The following CFAP95 variants were observed in gnomAD, a reference collection of about 807,000 sequenced individuals.
CFAP95 encodes cilia- and flagella-associated protein 95.
chr9:69,838,373 G>A, the CFAP95 span, among the ~76,000 whole-genome samples: 1 of 151,426 alleles, frequency 6.6e-6, no homozygotes, highest in African/African-American at 2.4e-5. Context: ...AGCATGGAAT[G>A]TTCTTCCATT....
the CFAP95 span, among the ~76,000 whole-genome samples, chr9:69,825,288 C>T: frequency 6.6e-6 from 1 of 152,148 alleles, no homozygotes; most frequent in African/African-American, 2.4e-5. Context: ...GGGAGAAATT[C>T]TGACTTTCCT....
At chr9:69,833,058 G>A in the CFAP95 span, among the ~76,000 whole-genome samples, 1 of 152,088 alleles carries the variant, frequency 6.6e-6, no homozygotes, top group Non-Finnish European at 1.5e-5. Flanking sequence ...CTTTTAAAGT[G>A]TATTTAATTC....
the CFAP95 span, among the ~76,000 whole-genome samples, chr9:69,838,211 G>A: frequency 1.3e-5 from 2 of 152,162 alleles, no homozygotes; most frequent in South Asian, 2.1e-4. Context: ...ACTTGGCAAT[G>A]CGGGCTCTTT....
chr9:69,901,183 G>C, the CFAP95 span, among the ~76,000 whole-genome samples: 2 of 151,246 alleles, frequency 1.3e-5, no homozygotes, highest in African/African-American at 4.9e-5. Context: ...TGTCGCCCAG[G>C]CTGGAGTGCA....
chr9:69,841,164 T>TTACATATATATATATATA, the CFAP95 span, among the ~76,000 whole-genome samples: 1 of 56,078 alleles, frequency 1.8e-5, no homozygotes, highest in Non-Finnish European at 3.6e-5. Flanking sequence ...CCAAGCTGGA[T>TTACATATATATATATATA]TATATATATA....
chr9:69,841,575 G>A, the CFAP95 span, among the ~76,000 whole-genome samples: 42,227 of 151,952 alleles, frequency 0.28, 6,564 homozygotes, highest in Non-Finnish European at 0.35. Context: ...TCCTGAATTT[G>A]AGTTAAGATT....
At chr9:69,840,616 T>G in the CFAP95 span, among the ~76,000 whole-genome samples, 1 of 152,352 alleles carries the variant, frequency 6.6e-6, no homozygotes, top group East Asian at 1.9e-4. Context: ...CTCAATCATT[T>G]TATATATGGT....
chr9:69,834,037 T>C, the CFAP95 span, among the ~76,000 whole-genome samples: 2 of 152,226 alleles, frequency 1.3e-5, no homozygotes, highest in African/African-American at 4.8e-5. Context: ...ATTCAAATTA[T>C]TTAAGCCAGT....
the CFAP95 span, among the ~76,000 whole-genome samples, chr9:69,904,676 T>C: frequency 6.6e-6 from 1 of 152,170 alleles, no homozygotes; most frequent in African/African-American, 2.4e-5. Context: ...TGAGAAGATC[T>C]CACCTCCCTT....
the CFAP95 span, among the ~76,000 whole-genome samples, chr9:69,828,129 T>A: frequency 6.6e-6 from 1 of 152,208 alleles, no homozygotes; most frequent in Non-Finnish European, 1.5e-5. Flanking sequence ...AATGCCTGAC[T>A]TTCAAGAAAA....
the CFAP95 span, among the ~76,000 whole-genome samples, chr9:69,869,720 G>A: frequency 2.2e-5 from 3 of 138,112 alleles, no homozygotes; most frequent in African/African-American, 8.2e-5. Context: ...CTTTAAAGAT[G>A]TACAGTTTTG....
chr9:69,898,861 A>G, the CFAP95 span, among the ~76,000 whole-genome samples: 1 of 152,048 alleles, frequency 6.6e-6, no homozygotes, highest in African/African-American at 2.4e-5. Context: ...GTGACTCATC[A>G]TTTCCCCCCT....
At chr9:69,841,105 A>G in the CFAP95 span, among the ~76,000 whole-genome samples, 1 of 143,918 alleles carries the variant, frequency 6.9e-6, no homozygotes, top group East Asian at 2.0e-4. Flanking sequence ...TCCATTAAAA[A>G]AAAAGTTTAA....
chr9:69,902,225 T>C, the CFAP95 span: 1 of 417,496 alleles, frequency 2.4e-6, no homozygotes, highest in Non-Finnish European at 4.7e-6. Context: ...TTCCCCTTTG[T>C]TTTTTTAATT....
At chr9:69,903,355 T>G in the CFAP95 span, among the ~76,000 whole-genome samples, 5 of 152,226 alleles carry the variant, frequency 3.3e-5, no homozygotes, top group Non-Finnish European at 7.3e-5. Flanking sequence ...ATGCCACTAT[T>G]CTGATTATCT....
chr9:69,876,694 G>A, the CFAP95 span, among the ~76,000 whole-genome samples: 3 of 151,840 alleles, frequency 2.0e-5, no homozygotes, highest in East Asian at 5.8e-4. Flanking sequence ...GAGTGCAATG[G>A]CGCAGTTTTG....
the CFAP95 span, among the ~76,000 whole-genome samples, chr9:69,904,024 C>T: frequency 6.6e-6 from 1 of 152,260 alleles, no homozygotes; most frequent in Admixed American, 6.5e-5. Flanking sequence ...GTGCCCGGCC[C>T]ATTCTTTTTT....
chr9:69,850,117 A>G, the CFAP95 span, among the ~76,000 whole-genome samples: 1 of 152,212 alleles, frequency 6.6e-6, no homozygotes, highest in East Asian at 1.9e-4. Context: ...CCAAAGAAAG[A>G]CCACTTCTGA....
chr9:69,844,547 T>C, the CFAP95 span: 1 of 1,609,458 alleles, frequency 6.2e-7, no homozygotes, highest in South Asian at 1.1e-5. Context: ...TTCCCAAAGG[T>C]TATGATATAG....
Sources: gnomAD v4.1 joint callset for allele counts (sites outside exome capture counted in the v4.1 genomes callset) on GRCh38, gnomAD v4.1.1 for gene constraint, MANE v1.5 for transcripts, NCBI Gene and HGNC (gene_info 2026-07-23, HGNC 2026-07-21) for gene names.